Variants in SAMD12 observed in about 807,000 individuals in gnomAD.
SAMD12 encodes the protein sterile alpha motif domain-containing protein 12.
In SAMD12, 9 loss-of-function variants were observed where a neutral mutation model predicts 15.0. The observed-to-expected ratio is 0.60, with a 90% CI of 0.36 to 1.05. SAMD12 has a LOEUF of 1.05. Ranked by LOEUF, SAMD12 falls within the 50% of genes least tolerant of loss-of-function variation. SAMD12 has a pLI of 0.01. For missense variants in SAMD12, 230 were observed against 234.2 expected, an observed-to-expected ratio of 0.98 and a Z score of 0.12; for synonymous variants, 86 against 90.1, an observed-to-expected ratio of 0.96 and a Z score of 0.25.
At chr8:118,522,649 T>A (rs1229147805) in intron 2 of SAMD12, among the ~76,000 whole-genome samples, 2 of 152,200 alleles carry the variant, frequency 1.3e-5, no homozygotes, top group African/African-American at 4.8e-5. Context: ...GTAAACCTTG[T>A]CAGCATGTCT....
chr8:118,396,148 G>A (rs1002382783), intron 3 of SAMD12, among the ~76,000 whole-genome samples: 1 of 152,128 alleles, frequency 6.6e-6, no homozygotes, highest in African/African-American at 2.4e-5. Context: ...TGAACTTGGA[G>A]TAAAAAGCCT....
intron 3 of SAMD12, among the ~76,000 whole-genome samples, chr8:118,416,188 T>C (rs1563843446): frequency 1.3e-5 from 2 of 152,188 alleles, no homozygotes; most frequent in South Asian, 4.1e-4. Flanking sequence ...ATCTAAATCA[T>C]AGCATAACAT....
chr8:118,170,093 T>A, the SAMD12 span, among the ~76,000 whole-genome samples: 1 of 152,116 alleles, frequency 6.6e-6, no homozygotes. Context: ...ATACATAGGG[T>A]GATCAGTTTA....
intron 4 of SAMD12, among the ~76,000 whole-genome samples, chr8:118,272,192 T>A (rs931007175): frequency 2.0e-5 from 3 of 152,218 alleles, no homozygotes; most frequent in Non-Finnish European, 4.4e-5. Context: ...TAATTCTTGA[T>A]CTCTGTGTAC....
intron 2 of SAMD12, among the ~76,000 whole-genome samples, chr8:118,448,515 C>T (rs1026759131): frequency 2.6e-5 from 4 of 152,160 alleles, no homozygotes; most frequent in African/African-American, 9.7e-5. Context: ...CTGTCTGTTC[C>T]GCCATCATAT....
intron 2 of SAMD12, among the ~76,000 whole-genome samples, chr8:118,577,747 C>T (rs1827188187): frequency 6.6e-6 from 1 of 152,132 alleles, no homozygotes; most frequent in Non-Finnish European, 1.5e-5. Flanking sequence ...CCAGAAGGCT[C>T]TACAATTCAA....
At chr8:118,431,010 C>A (rs1276125662) in intron 3 of SAMD12, among the ~76,000 whole-genome samples, 1 of 152,096 alleles carries the variant, frequency 6.6e-6, no homozygotes, top group Non-Finnish European at 1.5e-5. Flanking sequence ...GAGGCCATTT[C>A]ATTTTATCTT....
intron 4 of SAMD12, among the ~76,000 whole-genome samples, chr8:118,341,101 T>TA (rs1448937855): frequency 6.6e-6 from 1 of 152,222 alleles, no homozygotes; most frequent in Non-Finnish European, 1.5e-5. Context: ...TTCATTTGTG[T>TA]ATCTGGCACC....
In SAMD12 at chr8:118,379,386, C is replaced by G. The variant is rs1365941751; in HGVS notation, c.*31G>C. On this transcript the variant is annotated 3_prime_UTR_variant, in exon 4 of 4. Coordinates refer to ENST00000314727, the MANE Select transcript of SAMD12 (RefSeq NM_207506.3). The stretch of plus-strand genomic sequence containing the variant: ...TTTGTGCATCCTTCTCCCTAGTGAG[C>G]TATGAAAAAAGTTTTCAAAGGGAAG... The G allele has an allele frequency of 6.2e-7, 1 of 1,603,216 alleles. No individual in the cohort carries two copies. The highest frequency in any genetic ancestry group is 1.7e-5 in the Admixed American group (1 of 59,426).
chr8:118,498,266 C>T (rs191635416), intron 2 of SAMD12, among the ~76,000 whole-genome samples: 3 of 152,266 alleles, frequency 2.0e-5, no homozygotes, highest in African/African-American at 7.2e-5. Context: ...CCTGTTTATA[C>T]AACGAGATGC....
chr8:118,487,308 G>A (rs1824318148), intron 2 of SAMD12, among the ~76,000 whole-genome samples: 1 of 152,168 alleles, frequency 6.6e-6, no homozygotes, highest in Non-Finnish European at 1.5e-5. Context: ...TCTGGGAAAT[G>A]ACTAAGCTTT....
At chr8:118,231,991 C>T (rs1812319940) in intron 4 of SAMD12, among the ~76,000 whole-genome samples, 1 of 152,170 alleles carries the variant, frequency 6.6e-6, no homozygotes, top group Non-Finnish European at 1.5e-5. Flanking sequence ...TTGAAAGCCA[C>T]TTATTGATGA....
intron 3 of SAMD12, among the ~76,000 whole-genome samples, chr8:118,395,827 G>A (rs12546274): frequency 0.24 from 36,766 of 151,390 alleles, 4,582 homozygotes; most frequent in Admixed American, 0.27. Context: ...GCGTGGTGGC[G>A]GGCGCCTGTA....
At position 118,456,412 on chromosome 8, in the gene SAMD12, C is replaced by T. The variant is rs116387443; in HGVS notation, c.193-16451G>A. On this transcript the variant is annotated intron_variant, in intron 2 of 3. Transcript: ENST00000314727. ...TATGGTGATCTGATATTTTCCTACA[C>T]CTATTTACTACAACATTCTCTGCAC... Among the ~76,000 whole-genome samples, 875 of 152,278 alleles carry T rather than the reference C, an allele frequency of 5.7e-3. 11 individuals are homozygous for T. Among genetic ancestry groups the T allele is most frequent in the African/African-American group, 0.019 (787 of 41,556 alleles).
chr8:118,569,179 A>T (rs1826937266), intron 2 of SAMD12, among the ~76,000 whole-genome samples: 1 of 152,204 alleles, frequency 6.6e-6, no homozygotes, highest in Admixed American at 6.5e-5. Context: ...ACTTTGAGTA[A>T]TGACATCATG....
intron 4 of SAMD12, among the ~76,000 whole-genome samples, chr8:118,255,286 C>T (rs1185300484): frequency 1.3e-5 from 2 of 152,026 alleles, no homozygotes; most frequent in Non-Finnish European, 2.9e-5. Flanking sequence ...AGAACAACAA[C>T]AACAACAAAA....
intron 4 of SAMD12, among the ~76,000 whole-genome samples, chr8:118,218,335 T>A (rs571354588): frequency 6.6e-6 from 1 of 152,306 alleles, no homozygotes; most frequent in African/African-American, 2.4e-5. Flanking sequence ...GTGAGATGAG[T>A]AAATCAAGCT....
chr8:118,252,814 G>A (rs987146484), intron 4 of SAMD12, among the ~76,000 whole-genome samples: 8 of 152,170 alleles, frequency 5.3e-5, no homozygotes, highest in African/African-American at 1.2e-4. Context: ...TCCCTCCAAA[G>A]AGCTGAAATC....
At chr8:118,151,103 C>A in the SAMD12 span, among the ~76,000 whole-genome samples, 1 of 151,978 alleles carries the variant, frequency 6.6e-6, no homozygotes, top group African/African-American at 2.4e-5. Context: ...AACGTTTCTC[C>A]ACTGTTTTCT....
Sources: allele counts gnomAD v4.1 joint callset (sites outside exome capture counted in the v4.1 genomes callset), GRCh38; gene constraint gnomAD v4.1.1; transcripts MANE v1.5; gene names NCBI Gene and HGNC (gene_info 2026-07-23, HGNC 2026-07-21).